Variants in TSHR observed in about 807,000 individuals in gnomAD.
The protein encoded by TSHR is thyrotropin receptor.
In TSHR, 51 loss-of-function variants were observed where a neutral mutation model predicts 64.1. The observed-to-expected ratio is 0.80, with a 90% CI of 0.64 to 1.01. The LOEUF (loss-of-function observed/expected upper bound fraction) is 1.01. Ranked by LOEUF, TSHR falls within the 50% of genes least tolerant of loss-of-function variation. The pLI is 0.00. For missense variants in TSHR, 877 were observed against 942.8 expected (o/e 0.93, Z 0.91); for synonymous variants, 361 against 361.9 (o/e 1.00, Z 0.03).
At chr14:81,066,354 C>T (rs951428066) in intron 2 of TSHR, among the ~76,000 whole-genome samples, 2 of 152,214 alleles carry the variant, frequency 1.3e-5, no homozygotes. Flanking sequence ...ACAGTCTCTA[C>T]ACGGTAAATT....
chr14:80,994,853 T>C (rs1462014759), intron 1 of TSHR: 3 of 136,796 alleles, frequency 2.2e-5, no homozygotes, highest in African/African-American at 1.1e-4. Flanking sequence ...CCAAAAGCAA[T>C]TGCAACAAAA....
At chr14:80,973,267 AG>A (rs1887670877) in intron 1 of TSHR, among the ~76,000 whole-genome samples, 1 of 151,660 alleles carries the variant, frequency 6.6e-6, no homozygotes, top group African/African-American at 2.4e-5. Context: ...TAGCCGGGCT[AG>A]GTGGCGGGTG....
chr14:81,042,197 A>C (rs1357269670), intron 1 of TSHR, among the ~76,000 whole-genome samples: 1 of 152,218 alleles, frequency 6.6e-6, no homozygotes, highest in Non-Finnish European at 1.5e-5. Flanking sequence ...TTTTGGTGGT[A>C]AATTAGGACA....
At chr14:81,021,177 T>C (rs550095914) in intron 1 of TSHR, among the ~76,000 whole-genome samples, 24 of 152,246 alleles carry the variant, frequency 1.6e-4, no homozygotes, top group Non-Finnish European at 2.8e-4. Context: ...TGCCAGTCTA[T>C]GGAAAAATTG....
At chr14:81,110,182 T>A (rs1890165051) in intron 8 of TSHR, among the ~76,000 whole-genome samples, 1 of 152,252 alleles carries the variant, frequency 6.6e-6, no homozygotes, top group South Asian at 2.1e-4. Flanking sequence ...AAATTAAGTT[T>A]GTTATGAACT....
At chr14:81,087,761 T>G (rs1487780737) in intron 3 of TSHR, 193 bp from the exon 4 acceptor site, 2 of 647,600 alleles carry the variant, frequency 3.1e-6, no homozygotes, top group African/African-American at 3.6e-5. Flanking sequence ...GAGCAGCCAT[T>G]GGGTCCCCGT....
At chr14:81,138,066 A>C (rs1165852892) in intron 8 of TSHR, among the ~76,000 whole-genome samples, 2 of 152,198 alleles carry the variant, frequency 1.3e-5, no homozygotes, top group Admixed American at 1.3e-4. Flanking sequence ...ACTGTGCTTA[A>C]GTCTGGCTCA....
At chr14:81,047,588 A>C (rs1293281837) in intron 1 of TSHR, among the ~76,000 whole-genome samples, 2 of 152,200 alleles carry the variant, frequency 1.3e-5, no homozygotes, top group African/African-American at 4.8e-5. Flanking sequence ...CCCTGTGCTA[A>C]AGCCCACATT....
chr14:81,019,457 C>CTTTTT lies in TSHR; in HGVS notation c.171-42676_171-42672dup, dbSNP rs1166193901. ...TGTTAGTGCAAGCAAATCATCAATTCTTTTTTTTTTTTTTTTTTTGTATTT... is the reference window on the plus strand; with the variant it reads ...TGTTAGTGCAAGCAAATCATCAATTCTTTTTTTTTTTTTTTTTTTTTTTTGTATTT... On this transcript the variant is annotated intron_variant, in intron 1 of 9. Coordinates refer to ENST00000298171, the MANE Select transcript of TSHR (RefSeq NM_000369.5). Among the ~76,000 whole-genome samples, 879 of 118,340 alleles carry CTTTTT rather than the reference C, an allele frequency of 7.4e-3. 13 individuals are homozygous for CTTTTT. Among genetic ancestry groups the CTTTTT allele is most frequent in the Non-Finnish European group, 0.01 (582 of 55,808 alleles). The allele number at this position is 118,340 out of a possible 152,430, so 77.6% of individuals were successfully genotyped here.
intron 1 of TSHR, among the ~76,000 whole-genome samples, chr14:81,007,792 T>C (rs8013119): frequency 0.11 from 16,252 of 152,284 alleles, 2,832 homozygotes; most frequent in African/African-American, 0.37. Flanking sequence ...CAATGAGAAG[T>C]ACTGTCCTGA....
At chr14:81,056,752 C>T (rs533339556) in intron 1 of TSHR, among the ~76,000 whole-genome samples, 2 of 152,134 alleles carry the variant, frequency 1.3e-5, no homozygotes, top group Non-Finnish European at 2.9e-5. Context: ...CTCTGTTTGA[C>T]CCTACATAAT....
rs936193652 is a variant in TSHR at position 81,146,112 on chromosome 14, T to C, written c.*1759T>C. 6 of 228,876 alleles carry C rather than the reference T, an allele frequency of 2.6e-5. No homozygotes were observed. The highest frequency in any genetic ancestry group is 5.2e-5 in the Non-Finnish European group (6 of 115,398). The allele number at this position is 228,876 out of a possible 1,614,324, so 14.2% of individuals were successfully genotyped here. A position where few individuals can be genotyped will look rare whatever the true frequency, so the allele number is the denominator to read the frequency against. On this transcript the variant is annotated 3_prime_UTR_variant, in exon 10 of 10. Transcript: ENST00000298171. ...TAACTAATGAAATTAAACAAATGTG[T>C]TGCCTTTTGTCATGTGTTTCTCTCC...
chr14:81,023,868 T>C (rs1883902700), intron 1 of TSHR, among the ~76,000 whole-genome samples: 1 of 152,192 alleles, frequency 6.6e-6, no homozygotes, highest in Non-Finnish European at 1.5e-5. Flanking sequence ...TGCTGACTTC[T>C]TTTTCTTACT....
At chr14:81,105,170 T>G in intron 7 of TSHR, 2 of 985,370 alleles carry the variant, frequency 2.0e-6, no homozygotes, top group Middle Eastern at 5.2e-4. Context: ...TCCAAGCTGG[T>G]TACAAATGTG....
rs7148964 is a variant in TSHR at position 81,108,472 on chromosome 14, G to C, written c.692+20G>C. 9.6e-3 allele frequency: 11,610 copies of C among 1,214,132 alleles called. 672 individuals are homozygous for C. The African/African-American group carries it at 0.15, about 16-fold the overall frequency. The allele number at this position is 1,214,132 out of a possible 1,614,324, so 75.2% of individuals were successfully genotyped here. On this transcript the variant is annotated intron_variant, in intron 8 of 9. Transcript: ENST00000298171. ...CTTGCTGTGAGTAAGACATACAAAA[G>C]AATATTTTAGTCTTTTTTTTTCTTT...
intron 8 of TSHR, among the ~76,000 whole-genome samples, chr14:81,135,744 A>T (rs1891428753): frequency 6.6e-6 from 1 of 152,238 alleles, no homozygotes; most frequent in South Asian, 2.1e-4. Flanking sequence ...GGCAAGAATC[A>T]TTCTATTTGA....
At chr14:81,012,762 T>A (rs1889987215) in intron 1 of TSHR, 1 of 151,308 alleles carries the variant, frequency 6.6e-6, no homozygotes, top group African/African-American at 2.4e-5. Flanking sequence ...TCTGTTCATG[T>A]CCTTCGCCCA....
chr14:81,066,023 G>C (rs926639116), intron 2 of TSHR, among the ~76,000 whole-genome samples: 3 of 152,286 alleles, frequency 2.0e-5, no homozygotes, highest in African/African-American at 7.2e-5. Flanking sequence ...ATTTTTCCTA[G>C]TTGTAAAAAT....
At position 81,143,158 on chromosome 14, in the gene TSHR, G is replaced by A; in HGVS notation, c.1100G>A (p.Gly367Asp). 6.2e-7 allele frequency: 1 copy of A among 1,614,092 alleles called. No homozygotes were observed. Among genetic ancestry groups the A allele is most frequent in the Non-Finnish European group, 8.5e-7 (1 of 1,180,008 alleles). The change falls in exon 10 of 10, where the codon GGC (glycine) becomes GAC (aspartate). Residue 367 changes from glycine to aspartate, a missense_variant. Coordinates refer to ENST00000298171, the MANE Select transcript of TSHR (RefSeq NM_000369.5). ...CAAGAGGATGAGATCATTGGTTTTGGCCAGGAGCTCAAAAACCCCCAGGAA... is the reference window on the plus strand; with the variant it reads ...CAAGAGGATGAGATCATTGGTTTTGACCAGGAGCTCAAAAACCCCCAGGAA... The part of the protein sequence containing the change: ...EEQEDEIIGF[G>D]QELKNPQEET...
Sources: allele counts gnomAD v4.1 joint callset (sites outside exome capture counted in the v4.1 genomes callset), GRCh38; gene constraint gnomAD v4.1.1; transcripts MANE v1.5; gene names NCBI Gene and HGNC (gene_info 2026-07-23, HGNC 2026-07-21).